STAG2: variants seen among roughly 807,000 people sequenced by gnomAD.
STAG2 encodes the protein cohesin subunit SA-2.
In STAG2, 14 loss-of-function variants were observed where a neutral mutation model predicts 108.1. That is an observed-to-expected ratio of 0.13 (90% confidence interval 0.09 to 0.20). The LOEUF (loss-of-function observed/expected upper bound fraction) is 0.20, where lower values mean the gene tolerates loss of function less well. Among genes scored for constraint, STAG2 ranks in the 10% least tolerant of loss-of-function variants. The pLI, the probability that STAG2 is intolerant of heterozygous loss-of-function variation, is 1.00. For synonymous variants in STAG2, 307 were observed against 302.7 expected, an observed-to-expected ratio of 1.01 and a Z score of -0.15; for missense variants, 440 against 940.9, an observed-to-expected ratio of 0.47 and a Z score of 6.96.
chrX:123,971,121 TA>T (rs1268865150), intron 1 of STAG2, among the ~76,000 whole-genome samples: 2 of 111,743 alleles, frequency 1.8e-5, no homozygotes, highest in African/African-American at 6.5e-5. Flanking sequence ...TAGTAAGCGG[TA>T]AGAAGGGATT....
At position 124,076,317 on chromosome X, in the gene STAG2, G is replaced by A. The variant is rs766817090; in HGVS notation, c.2534-15G>A. On this transcript the variant is annotated splice_polypyrimidine_tract_variant and intron_variant, in intron 25 of 34. Coordinates refer to ENST00000371145, the MANE Select transcript of STAG2 (RefSeq NM_001042750.2). ...TAAAATACAAGATGCTTAATGTTTG[G>A]GACTTTTTCTCCAGATGGTCAGCAA... 1 of 1,204,825 alleles carries A rather than the reference G, an allele frequency of 8.3e-7. No homozygotes were observed. The highest frequency in any genetic ancestry group is 3.0e-5 in the East Asian group (1 of 33,566).
chrX:124,023,438 C>T (rs1246797774), intron 3 of STAG2, among the ~76,000 whole-genome samples: 1 of 111,282 alleles, frequency 9.0e-6, no homozygotes, highest in African/African-American at 3.3e-5. Context: ...TACTTTTGAT[C>T]ATATGTAGAT....
At chrX:124,043,959 T>A (rs886536027) in intron 7 of STAG2, among the ~76,000 whole-genome samples, 2 of 111,598 alleles carry the variant, frequency 1.8e-5, no homozygotes, top group Non-Finnish European at 3.8e-5. Context: ...TTCCAAAATT[T>A]TTCGCTGTGG....
chrX:124,044,445 T>A (rs886462684), intron 7 of STAG2, among the ~76,000 whole-genome samples: 1 of 111,927 alleles, frequency 8.9e-6, no homozygotes, highest in Non-Finnish European at 1.9e-5. Context: ...TTTTTAAAAT[T>A]TACTGAACTG....
At chrX:124,006,594 A>G (rs932949932) in intron 1 of STAG2, among the ~76,000 whole-genome samples, 4 of 109,570 alleles carry the variant, frequency 3.7e-5, no homozygotes. Context: ...GCCCACCACC[A>G]CGCCCGGCTA....
At chrX:124,085,377 C>G (rs942745266) in intron 29 of STAG2, among the ~76,000 whole-genome samples, 1 of 111,255 alleles carries the variant, frequency 9.0e-6, no homozygotes, top group Non-Finnish European at 1.9e-5. Context: ...TATATTTTGG[C>G]TCAAGTTTTG....
intron 25 of STAG2, among the ~76,000 whole-genome samples, chrX:124,072,005 A>G (rs2058675926): frequency 9.0e-6 from 1 of 111,033 alleles, no homozygotes; most frequent in South Asian, 3.8e-4. Context: ...GTTTGAAGGT[A>G]TATTTTTTGT....
rs755665975 is a variant in STAG2, at chrX:124,051,102, T to C, written c.1018-19T>C. ...GAGTTTTAATGCATTGTCTCATCTT[T>C]TTTTTTTTTTTTTTTTAGCAAGGTG... On this transcript the variant is annotated intron_variant, in intron 11 of 34. Transcript: ENST00000371145. 6.2e-5 allele frequency: 33 copies of C among 534,573 alleles called. No homozygotes were observed. Among genetic ancestry groups the C allele is most frequent in the Non-Finnish European group, 7.3e-5 (29 of 397,387 alleles). 44.1% of individuals were successfully genotyped at this position (534,573 alleles called of 1,213,427 possible).
intron 10 of STAG2, among the ~76,000 whole-genome samples, chrX:124,049,910 G>A (rs2057986129): frequency 8.9e-6 from 1 of 112,232 alleles, no homozygotes; most frequent in South Asian, 3.6e-4. Context: ...CCCAGCAGGT[G>A]TGAGCAAAGG....
At chrX:123,994,923 A>G (rs2055657395) in intron 1 of STAG2, among the ~76,000 whole-genome samples, 1 of 112,362 alleles carries the variant, frequency 8.9e-6, no homozygotes, top group Non-Finnish European at 1.9e-5. Flanking sequence ...TTACTTGCGT[A>G]AGTATTTTGG....
At chrX:124,035,456 C>T (rs2057487115) in intron 5 of STAG2, among the ~76,000 whole-genome samples, 1 of 111,323 alleles carries the variant, frequency 9.0e-6, no homozygotes, top group Non-Finnish European at 1.9e-5. Context: ...GCCATTGTTC[C>T]AGTTATCTAT....
chrX:124,081,946 C>T (rs1240757144), intron 28 of STAG2, among the ~76,000 whole-genome samples: 7 of 111,712 alleles, frequency 6.3e-5, no homozygotes, highest in Admixed American at 9.5e-5. Context: ...GCTGAGATTG[C>T]GCCACTGCAC....
At chrX:124,098,315 T>C (rs1317504525) in intron 34 of STAG2, among the ~76,000 whole-genome samples, 1 of 111,680 alleles carries the variant, frequency 9.0e-6, no homozygotes, top group African/African-American at 3.2e-5. Context: ...CATAACTGAA[T>C]GCTCAGTAAT....
intron 33 of STAG2, 142 bp downstream of exon 33, chrX:124,094,286 T>C (rs1172323699): frequency 5.7e-6 from 3 of 526,293 alleles, no homozygotes; most frequent in Admixed American, 3.9e-5. Flanking sequence ...GGTTTAGATA[T>C]ATGGGAAGGG....
intron 1 of STAG2, chrX:123,962,100 G>C (rs919643664): frequency 8.2e-5 from 9 of 109,571 alleles, no homozygotes; most frequent in South Asian, 8.0e-4. Context: ...GCTGATCCTT[G>C]CCCCAGGTAG....
In STAG2 at chrX:124,076,394, G is replaced by A; in HGVS notation, c.2596G>A (p.Ala866Thr). 8.3e-7 allele frequency: 1 copy of A among 1,208,354 alleles called. No homozygotes were observed. Among genetic ancestry groups the A allele is most frequent in the Non-Finnish European group, 1.1e-6 (1 of 893,543 alleles). The change falls in exon 26 of 35, where the codon GCA (alanine) becomes ACA (threonine). Residue 866 changes from alanine (A) to threonine (T), a missense_variant. Coordinates refer to ENST00000371145, the MANE Select transcript of STAG2 (RefSeq NM_001042750.2). ...TCTGCACAAGAGAAGAAATTTACTT[G>A]CAGCATTTTGTAAGCTAATTGTATA... ...EALHKRRNLL[A>T]AFCKLIVYTV...
At chrX:124,063,017 G>C in intron 18 of STAG2, 23 bp downstream of exon 18, 1 of 1,188,958 alleles carries the variant, frequency 8.4e-7, no homozygotes, top group Non-Finnish European at 1.1e-6. Context: ...CAATATCATA[G>C]TGTTACTAAG....
In STAG2 at chrX:124,101,488, A is replaced by G. The variant is rs902069527; in HGVS notation, c.*891A>G. The G allele has an allele frequency of 6.8e-6, 1 of 148,020 alleles. No homozygotes were observed. The highest frequency in any genetic ancestry group is 1.3e-5 in the Non-Finnish European group (1 of 75,451). 12.2% of individuals were successfully genotyped at this position (148,020 alleles called of 1,213,427 possible). ...ATCTAAATTTTAAATAAAATTATATATATATATAAATTGGTGCTGATTTTA... is the reference window on the plus strand; with the variant it reads ...ATCTAAATTTTAAATAAAATTATATGTATATATAAATTGGTGCTGATTTTA... On this transcript the variant is annotated 3_prime_UTR_variant, in exon 35 of 35. Coordinates refer to ENST00000371145, the MANE Select transcript of STAG2 (RefSeq NM_001042750.2).
chrX:124,080,234 C>T (rs748853538), intron 27 of STAG2, among the ~76,000 whole-genome samples: 1 of 111,031 alleles, frequency 9.0e-6, no homozygotes, highest in African/African-American at 3.3e-5. Context: ...TTATCCTGTC[C>T]TACTGAAACG....
Sources: gnomAD v4.1 joint callset for allele counts (sites outside exome capture counted in the v4.1 genomes callset) on GRCh38, gnomAD v4.1.1 for gene constraint, MANE v1.5 for transcripts, NCBI Gene and HGNC (gene_info 2026-07-23, HGNC 2026-07-21) for gene names.